FNDC3A: variants seen among roughly 807,000 people sequenced by gnomAD.
FNDC3A encodes fibronectin type-III domain-containing protein 3A.
FNDC3A carries 32 observed loss-of-function variants against 148.9 expected under a neutral mutation model. The observed-to-expected ratio is 0.21, with a 90% CI of 0.16 to 0.29. The LOEUF (loss-of-function observed/expected upper bound fraction) is 0.29. Among genes scored for constraint, FNDC3A ranks in the 10% least tolerant of loss-of-function variants. The probability of loss-of-function intolerance (pLI) is 1.00; values close to 1 mark genes in which losing one functional copy is unlikely to be tolerated. For synonymous variants in FNDC3A, 472 were observed against 473.6 expected, an observed-to-expected ratio of 1.00 and a Z score of 0.04; for missense variants, 1,191 against 1,452.8, an observed-to-expected ratio of 0.82 and a Z score of 2.93.
intron 1 of FNDC3A, among the ~76,000 whole-genome samples, chr13:49,001,323 C>A (rs143213338): frequency 0.019 from 2,843 of 152,234 alleles, 93 homozygotes; most frequent in African/African-American, 0.063. Context: ...TCTTTGTAAG[C>A]TGAGGAGGAT....
chr13:49,206,783 G>T (rs1035865183), intron 25 of FNDC3A, among the ~76,000 whole-genome samples: 11 of 152,204 alleles, frequency 7.2e-5, no homozygotes, highest in Admixed American at 4.6e-4. Context: ...AGAAAAGCAA[G>T]AAAATGCTTG....
intron 3 of FNDC3A, among the ~76,000 whole-genome samples, chr13:49,096,917 G>A (rs118081390): frequency 0.048 from 7,286 of 152,100 alleles, 240 homozygotes; most frequent in Middle Eastern, 0.082. Context: ...AAAATAAATA[G>A]AAAAGTATCT....
chr13:49,075,331 A>G lies in FNDC3A; in HGVS notation c.142A>G (p.Arg48Gly). ...TAACCCAGGAGAAGCATTTACAATA[A>G]GAAGAGAAGATGGACAGTTTCAGTG... The part of the protein sequence containing the change: ...QVNPGEAFTI[R>G]REDGQFQCIT... Residue 48 changes from arginine (R) to glycine (G), a missense_variant, in exon 3 of 26, where the codon AGA becomes GGA. Coordinates refer to ENST00000492622, the MANE Select transcript of FNDC3A (RefSeq NM_001079673.2). 6.2e-7 allele frequency: 1 copy of G among 1,603,660 alleles called. No individual in the cohort carries two copies. The highest frequency in any genetic ancestry group is 8.5e-7 in the Non-Finnish European group (1 of 1,170,946).
At chr13:49,113,692 G>A (rs1880732701) in intron 3 of FNDC3A, among the ~76,000 whole-genome samples, 1 of 152,062 alleles carries the variant, frequency 6.6e-6, no homozygotes. Flanking sequence ...TTAGAAATAA[G>A]TAATTTCTTT....
intron 1 of FNDC3A, among the ~76,000 whole-genome samples, chr13:49,001,840 C>T (rs984332877): frequency 6.6e-6 from 1 of 152,160 alleles, no homozygotes; most frequent in Admixed American, 6.5e-5. Context: ...CGCCCCAGTC[C>T]TGTGGTCCTG....
At chr13:48,994,558 C>T (rs771889387) in intron 1 of FNDC3A, among the ~76,000 whole-genome samples, 16 of 152,266 alleles carry the variant, frequency 1.1e-4, no homozygotes, top group Non-Finnish European at 2.1e-4. Flanking sequence ...GCGGGCAGAT[C>T]ACAAGGTCAG....
chr13:48,979,071 A>C (rs1031627034), intron 1 of FNDC3A, among the ~76,000 whole-genome samples: 2 of 152,062 alleles, frequency 1.3e-5, no homozygotes, highest in African/African-American at 4.8e-5. Flanking sequence ...TCTTCCATCA[A>C]GTTCCTTTGT....
intron 8 of FNDC3A, among the ~76,000 whole-genome samples, chr13:49,158,181 G>C (rs1017081055): frequency 1.3e-5 from 2 of 152,160 alleles, no homozygotes; most frequent in Non-Finnish European, 2.9e-5. Flanking sequence ...AGACTCCGTG[G>C]GCGTAGGACC....
chr13:49,083,594 A>G lies in FNDC3A; in HGVS notation c.175+8230A>G, dbSNP rs145456313. On this transcript the variant is annotated intron_variant, in intron 3 of 25. Transcript: ENST00000492622. ...AATCACCTTTATAAAACACTATAGA[A>G]ATGCGTGAAGGATGTTTAACCTAGA... Among the ~76,000 whole-genome samples the G allele has an allele frequency of 2.2e-3, 342 of 152,290 alleles. 1 individual carries two copies. The highest frequency in any genetic ancestry group is 4.0e-3 in the Non-Finnish European group (269 of 68,022).
rs998413752 is a variant in FNDC3A, at chr13:49,208,229, A to G, written c.*834A>G. The G allele has an allele frequency of 1.3e-5, 2 of 152,422 alleles. No homozygotes were observed. The highest frequency in any genetic ancestry group is 4.8e-5 in the African/African-American group (2 of 41,454). 9.4% of individuals were successfully genotyped at this position (152,422 alleles called of 1,614,324 possible). On this transcript the variant is annotated 3_prime_UTR_variant, in exon 26 of 26. Coordinates refer to ENST00000492622, the MANE Select transcript of FNDC3A (RefSeq NM_001079673.2). ...TATATGTATGTGTATAAGGGTATAC[A>G]CATACATATATGGCATATAACAAGT... is the stretch of plus-strand genomic sequence containing the variant.
intron 1 of FNDC3A, among the ~76,000 whole-genome samples, chr13:48,999,453 C>T (rs1262483680): frequency 6.6e-6 from 1 of 152,088 alleles, no homozygotes; most frequent in African/African-American, 2.4e-5. Context: ...GGAATTTTGC[C>T]TCAGGATGAA....
At chr13:49,172,136 G>A (rs768836493) in intron 11 of FNDC3A, 40 bp downstream of exon 11, 1 of 1,270,684 alleles carries the variant, frequency 7.9e-7, no homozygotes, top group Admixed American at 2.0e-5. Context: ...AACATTATGT[G>A]CATATGTTCA....
chr13:49,110,448 A>G, intron 3 of FNDC3A: 1 of 1,306,436 alleles, frequency 7.7e-7, no homozygotes, highest in Non-Finnish European at 1.1e-6. Flanking sequence ...TTATTTTAAG[A>G]CAGAAAGCAT....
chr13:49,185,386 C>CT (rs1297398439), intron 14 of FNDC3A, among the ~76,000 whole-genome samples: 1 of 152,172 alleles, frequency 6.6e-6, no homozygotes, highest in Non-Finnish European at 1.5e-5. Context: ...TTGCAGTCAT[C>CT]TCAAGGCTCT....
At chr13:49,075,441 C>T in intron 3 of FNDC3A, 77 bp downstream of exon 3, 1 of 753,836 alleles carries the variant, frequency 1.3e-6, no homozygotes, top group Non-Finnish European at 2.3e-6. Context: ...AGTGTATATG[C>T]CTATGGTTTC....
At chr13:49,075,134 CA>C in intron 2 of FNDC3A, among the ~76,000 whole-genome samples, 154 bp from the exon 3 acceptor site, 1 of 151,936 alleles carries the variant, frequency 6.6e-6, no homozygotes, top group Non-Finnish European at 1.5e-5. Context: ...AGTGATGTCA[CA>C]TTTTTTTTAG....
intron 8 of FNDC3A, among the ~76,000 whole-genome samples, chr13:49,153,274 G>A (rs1296465703): frequency 1.4e-4 from 21 of 152,084 alleles, no homozygotes; most frequent in Non-Finnish European, 2.8e-4. Context: ...GGCCAGTGAT[G>A]ATGAGCATTT....
intron 2 of FNDC3A, among the ~76,000 whole-genome samples, chr13:49,025,630 A>G (rs1189805887): frequency 1.3e-5 from 2 of 152,160 alleles, no homozygotes; most frequent in African/African-American, 2.4e-5. Flanking sequence ...CATTAGTCAT[A>G]AAGTTGGCCA....
intron 7 of FNDC3A, among the ~76,000 whole-genome samples, chr13:49,144,581 C>A (rs1266483282): frequency 6.6e-6 from 1 of 152,070 alleles, no homozygotes; most frequent in Non-Finnish European, 1.5e-5. Context: ...AATCTGGTAC[C>A]TTTCTCACCA....
Sources: gnomAD v4.1 joint callset for allele counts (sites outside exome capture counted in the v4.1 genomes callset) on GRCh38, gnomAD v4.1.1 for gene constraint, MANE v1.5 for transcripts, NCBI Gene and HGNC (gene_info 2026-07-23, HGNC 2026-07-21) for gene names.